PDE1C: variants seen among roughly 807,000 people sequenced by gnomAD.
The protein encoded by PDE1C is phosphodiesterase 1C.
In PDE1C, 62 loss-of-function variants were observed where a neutral mutation model predicts 93.1. The ratio of observed to expected loss-of-function variants is 0.67; its 90% CI spans 0.54 to 0.82. The LOEUF (loss-of-function observed/expected upper bound fraction) is 0.82, where lower values mean the gene tolerates loss of function less well. PDE1C is among the 40% of genes least tolerant of loss of function. The pLI is 0.00. For synonymous variants in PDE1C, 325 were observed against 310.1 expected (o/e 1.05, Z -0.50); for missense variants, 742 against 884.6 (o/e 0.84, Z 2.04).
At chr7:31,665,725 G>A in the PDE1C span, among the ~76,000 whole-genome samples, 4 of 152,128 alleles carry the variant, frequency 2.6e-5, no homozygotes, top group Non-Finnish European at 2.9e-5. Context: ...CCCTTTTGGC[G>A]AATAGCTCAG....
intron 9 of PDE1C, among the ~76,000 whole-genome samples, chr7:31,840,807 G>T (rs1562899927): frequency 6.6e-6 from 1 of 152,048 alleles, no homozygotes. Context: ...ATGCTGCCTT[G>T]AATACTGTAA....
chr7:32,293,356 T>C (rs1812451322), intron 1 of PDE1C, among the ~76,000 whole-genome samples: 1 of 152,072 alleles, frequency 6.6e-6, no homozygotes, highest in Non-Finnish European at 1.5e-5. Context: ...GGCACTCTAA[T>C]TGTTTGCTGA....
intron 2 of PDE1C, among the ~76,000 whole-genome samples, chr7:32,042,452 C>G (rs1169206567): frequency 2.0e-5 from 3 of 152,188 alleles, no homozygotes; most frequent in Non-Finnish European, 4.4e-5. Context: ...TGAGTTACCT[C>G]TTTTCCATGA....
intron 2 of PDE1C, among the ~76,000 whole-genome samples, chr7:31,887,201 AG>A (rs1460877180): frequency 6.6e-6 from 1 of 152,160 alleles, no homozygotes; most frequent in Non-Finnish European, 1.5e-5. Flanking sequence ...GTTTAGTGGT[AG>A]TATGGATGGT....
chr7:31,776,080 T>C (rs952771026), intron 16 of PDE1C, among the ~76,000 whole-genome samples: 3 of 152,208 alleles, frequency 2.0e-5, no homozygotes, highest in South Asian at 2.1e-4. Context: ...CCAGCACTCA[T>C]GTTTTTAAAA....
At chr7:32,340,588 A>G (rs1201020276) in intron 1 of PDE1C, among the ~76,000 whole-genome samples, 1 of 152,246 alleles carries the variant, frequency 6.6e-6, no homozygotes, top group African/African-American at 2.4e-5. Context: ...GTACACAATC[A>G]TATTTGTGTT....
At chr7:32,324,717 A>G (rs1783369959) in intron 1 of PDE1C, among the ~76,000 whole-genome samples, 1 of 152,184 alleles carries the variant, frequency 6.6e-6, no homozygotes, top group African/African-American at 2.4e-5. Flanking sequence ...GGGAGGCCAA[A>G]GTGGAAGGAT....
In PDE1C at chr7:31,823,208, C is replaced by T; in HGVS notation, c.1447G>A (p.Val483Ile). 1 of 1,612,390 alleles carries T rather than the reference C, an allele frequency of 6.2e-7. No homozygotes were observed. The highest frequency in any genetic ancestry group is 8.5e-7 in the Non-Finnish European group (1 of 1,179,234). The change falls in exon 14 of 18, where the codon GTC becomes ATC. Residue 483 changes from valine to isoleucine, a missense_variant. By Grantham distance (29) the Val-to-Ile change is conservative (BLOSUM62 3). Coordinates refer to ENST00000396191, the MANE Select transcript of PDE1C (RefSeq NM_001191057.4). The stretch of plus-strand genomic sequence containing the variant: ...CTTCCCTCTGAACCAGAGGTCTTGA[C>T]ACCTGATCGCTTGGCATCTGACGAG... Reference protein sequence around the residue: ...ISSSDAKRSGVKTSGSEGSAP... With the variant: ...ISSSDAKRSGIKTSGSEGSAP...
At chr7:31,719,813 C>T in the PDE1C span, among the ~76,000 whole-genome samples, 2 of 152,202 alleles carry the variant, frequency 1.3e-5, no homozygotes, top group Non-Finnish European at 2.9e-5. Flanking sequence ...ATGGCCAATG[C>T]TGCTCTACCC....
the PDE1C span, among the ~76,000 whole-genome samples, chr7:31,687,574 C>A: frequency 6.6e-6 from 1 of 152,212 alleles, no homozygotes; most frequent in Non-Finnish European, 1.5e-5. Flanking sequence ...CATATTCACA[C>A]AGGATAGAGA....
At chr7:32,045,943 G>A (rs556906668) in intron 2 of PDE1C, among the ~76,000 whole-genome samples, 49 of 152,274 alleles carry the variant, frequency 3.2e-4, no homozygotes, top group African/African-American at 1.0e-3. Flanking sequence ...GGCTGAACAT[G>A]GGCAGGCCTG....
intron 2 of PDE1C, among the ~76,000 whole-genome samples, chr7:31,882,891 T>C (rs1289215080): frequency 6.6e-6 from 1 of 152,180 alleles, no homozygotes; most frequent in Non-Finnish European, 1.5e-5. Context: ...GAATAAGTTT[T>C]CCTAGGCTAA....
intron 1 of PDE1C, among the ~76,000 whole-genome samples, chr7:32,387,409 C>T (rs1464053206): frequency 1.3e-5 from 2 of 151,008 alleles, no homozygotes; most frequent in East Asian, 4.0e-4. Flanking sequence ...CAGACGGGGT[C>T]CTGGCCGGGC....
At chr7:31,789,890 T>C (rs1038258362) in intron 16 of PDE1C, 1 of 1,065,956 alleles carries the variant, frequency 9.4e-7, no homozygotes, top group South Asian at 4.3e-5. Context: ...ATCCAGGATG[T>C]CCATTCTCAT....
At chr7:31,817,539 G>A (rs1366059605) in intron 14 of PDE1C, among the ~76,000 whole-genome samples, 1 of 152,162 alleles carries the variant, frequency 6.6e-6, no homozygotes, top group Non-Finnish European at 1.5e-5. Context: ...CAAGGTTCTA[G>A]AGACTCATCC....
At chr7:32,089,434 T>A (rs1465069772) in intron 3 of PDE1C, among the ~76,000 whole-genome samples, 1 of 152,184 alleles carries the variant, frequency 6.6e-6, no homozygotes, top group Non-Finnish European at 1.5e-5. Flanking sequence ...GCCCTCTGAC[T>A]CAAAGCCCTC....
At chr7:31,976,618 C>A (rs1349015700) in intron 2 of PDE1C, among the ~76,000 whole-genome samples, 1 of 152,176 alleles carries the variant, frequency 6.6e-6, no homozygotes, top group Non-Finnish European at 1.5e-5. Context: ...AAAATGCATG[C>A]TGAATCTGTG....
chr7:32,143,741 T>C (rs1395338223), intron 3 of PDE1C, among the ~76,000 whole-genome samples: 1 of 152,226 alleles, frequency 6.6e-6, no homozygotes, highest in Non-Finnish European at 1.5e-5. Context: ...TTATTTGTCC[T>C]CTTTTTCTGC....
In PDE1C at chr7:31,791,626, G is replaced by A. The variant is rs184064798; in HGVS notation, c.1892-15894C>T. On this transcript the variant is annotated intron_variant, in intron 16 of 17. Transcript: ENST00000396191. ...ATGTCCCCAGACCCTCAAATGTAAA[G>A]CCCAATTTTGTTAGGATGACAGAAG... Among the ~76,000 whole-genome samples the A allele has an allele frequency of 3.3e-5, 5 of 152,176 alleles. No individual in the cohort carries two copies. In the East Asian group the frequency reaches 9.7e-4, roughly 30 times the overall value.
Sources: allele counts gnomAD v4.1 joint callset (sites outside exome capture counted in the v4.1 genomes callset), GRCh38; gene constraint gnomAD v4.1.1; transcripts MANE v1.5; gene names NCBI Gene and HGNC (gene_info 2026-07-23, HGNC 2026-07-21).